The following PTPRD variants were observed in gnomAD, a reference collection of about 807,000 sequenced individuals.
PTPRD encodes the protein protein tyrosine phosphatase receptor type D, also known as receptor-type tyrosine-protein phosphatase delta.
PTPRD carries 34 observed loss-of-function variants against 214.5 expected under a neutral mutation model. The observed-to-expected ratio is 0.16, with a 90% CI of 0.12 to 0.21. The LOEUF (loss-of-function observed/expected upper bound fraction) is 0.21, where lower values mean the gene tolerates loss of function less well. Ranked by LOEUF, PTPRD falls within the 10% of genes least tolerant of loss-of-function variation. PTPRD has a pLI of 1.00. For missense variants in PTPRD, 2,545 were observed against 2,398.7 expected, an observed-to-expected ratio of 1.06 and a Z score of -1.27; for synonymous variants, 1,128 against 845.7, an observed-to-expected ratio of 1.33 and a Z score of -5.79.
At chr9:9,061,403 T>G (rs1465326804) in intron 10 of PTPRD, among the ~76,000 whole-genome samples, 1 of 152,202 alleles carries the variant, frequency 6.6e-6, no homozygotes, top group Non-Finnish European at 1.5e-5. Context: ...TGCTTAAAAC[T>G]AATGACAACA....
chr9:9,311,084 G>C lies in PTPRD; in HGVS notation c.-203+86365C>G, dbSNP rs145360504. Among the ~76,000 whole-genome samples the C allele has an allele frequency of 2.4e-3, 371 of 152,122 alleles. 1 individual carries two copies. Among genetic ancestry groups the C allele is most frequent in the Non-Finnish European group, 3.6e-3 (246 of 68,012 alleles). The stretch of plus-strand genomic sequence containing the variant: ...AATTCAAACCCTTCTCTGAGTCCAA[G>C]TTTGTACAGGGCAAAATAGGAAAAG... On this transcript the variant is annotated intron_variant, in intron 9 of 45. Coordinates refer to ENST00000381196, the MANE Select transcript of PTPRD (RefSeq NM_002839.4).
At chr9:10,258,761 CTCTT>C (rs2093475313) in intron 3 of PTPRD, among the ~76,000 whole-genome samples, 2 of 152,098 alleles carry the variant, frequency 1.3e-5, no homozygotes, top group African/African-American at 2.4e-5. Flanking sequence ...CTCTTTCTCT[CTCTT>C]TCTTTCAAAT....
intron 9 of PTPRD, among the ~76,000 whole-genome samples, chr9:9,377,365 T>C (rs2061066959): frequency 6.6e-6 from 1 of 152,154 alleles, no homozygotes; most frequent in South Asian, 2.1e-4. Flanking sequence ...CCTGTGATTA[T>C]CAACAATTTT....
chr9:10,522,767 G>C (rs2052773536), intron 2 of PTPRD, among the ~76,000 whole-genome samples: 1 of 152,026 alleles, frequency 6.6e-6, no homozygotes, highest in African/African-American at 2.4e-5. Flanking sequence ...GGTTCTTTCA[G>C]TCTGAGAACC....
At chr9:9,275,679 G>C (rs1428693251) in intron 9 of PTPRD, among the ~76,000 whole-genome samples, 1 of 151,198 alleles carries the variant, frequency 6.6e-6, no homozygotes, top group Non-Finnish European at 1.5e-5. Flanking sequence ...GTCTGGGTAG[G>C]CTGCTATTTG....
At chr9:8,684,133 G>A (rs1307789107) in intron 12 of PTPRD, among the ~76,000 whole-genome samples, 6 of 152,058 alleles carry the variant, frequency 3.9e-5, no homozygotes. Context: ...CTAACCTATA[G>A]AAATCTGTGA....
intron 9 of PTPRD, among the ~76,000 whole-genome samples, chr9:9,247,619 C>T (rs1450725101): frequency 6.6e-6 from 1 of 152,040 alleles, no homozygotes; most frequent in Non-Finnish European, 1.5e-5. Flanking sequence ...ATTTTCAACT[C>T]TACATAGCCA....
intron 2 of PTPRD, among the ~76,000 whole-genome samples, chr9:10,452,723 T>C (rs1470778699): frequency 6.6e-6 from 1 of 151,856 alleles, no homozygotes; most frequent in Non-Finnish European, 1.5e-5. Flanking sequence ...ATATTTTGGA[T>C]TTTGCCTCAT....
At chr9:10,589,440 G>C (rs2074832447) in intron 2 of PTPRD, among the ~76,000 whole-genome samples, 1 of 152,068 alleles carries the variant, frequency 6.6e-6, no homozygotes, top group African/African-American at 2.4e-5. Context: ...GAAGAAAAGA[G>C]AGTTGAAAAG....
intron 3 of PTPRD, among the ~76,000 whole-genome samples, chr9:10,090,320 T>C (rs2098413728): frequency 6.6e-6 from 1 of 151,568 alleles, no homozygotes; most frequent in African/African-American, 2.4e-5. Flanking sequence ...ACTAGCTTAT[T>C]CACCAAGTAC....
At chr9:10,050,092 T>C (rs1288108568) in intron 3 of PTPRD, among the ~76,000 whole-genome samples, 1 of 152,084 alleles carries the variant, frequency 6.6e-6, no homozygotes, top group Non-Finnish European at 1.5e-5. Context: ...TCAAAATAAA[T>C]ATCTGTCGAA....
Position 9,384,125 on chromosome 9 carries a change from T to TG in PTPRD, c.-203+13323dup, listed in dbSNP as rs565293417. Reference sequence around the variant, plus strand: ...AAAACTTTTCACATACTTTTTTTTTTGCTTATAGATACATAATTTATATTT... The same window carrying TG: ...AAAACTTTTCACATACTTTTTTTTTTGGCTTATAGATACATAATTTATATTT... On this transcript the variant is annotated intron_variant, in intron 9 of 45. Coordinates refer to ENST00000381196, the MANE Select transcript of PTPRD (RefSeq NM_002839.4). 2.6e-3 allele frequency among the ~76,000 whole-genome samples: 402 copies of TG among 151,788 alleles called. 1 individual carries two copies. Among genetic ancestry groups the TG allele is most frequent in the African/African-American group, 9.3e-3 (387 of 41,424 alleles).
chr9:10,349,511 A>C (rs1423330200), intron 2 of PTPRD, among the ~76,000 whole-genome samples: 1 of 152,206 alleles, frequency 6.6e-6, no homozygotes. Flanking sequence ...AAAAATGCAT[A>C]TACATAAACC....
intron 6 of PTPRD, among the ~76,000 whole-genome samples, chr9:9,740,591 G>T (rs1235102974): frequency 6.6e-6 from 1 of 152,040 alleles, no homozygotes; most frequent in Non-Finnish European, 1.5e-5. Flanking sequence ...TGGATCTCCT[G>T]CCCTCGTGAT....
At chr9:9,276,792 T>C (rs909266788) in intron 9 of PTPRD, among the ~76,000 whole-genome samples, 1 of 151,564 alleles carries the variant, frequency 6.6e-6, no homozygotes, top group African/African-American at 2.4e-5. Flanking sequence ...GTATTCTTTT[T>C]AAGTTCCTAA....
At chr9:8,776,887 ATATT>A (rs2095502231) in intron 11 of PTPRD, among the ~76,000 whole-genome samples, 1 of 135,232 alleles carries the variant, frequency 7.4e-6, no homozygotes. Flanking sequence ...TAGTATATGA[ATATT>A]ATATAATACA....
intron 11 of PTPRD, among the ~76,000 whole-genome samples, chr9:8,968,789 C>T (rs2099216989): frequency 6.6e-6 from 1 of 151,982 alleles, no homozygotes. Flanking sequence ...GTTTGTGTGA[C>T]ATAGATATGA....
At chr9:10,369,044 C>G (rs1228421180) in intron 2 of PTPRD, among the ~76,000 whole-genome samples, 1 of 151,840 alleles carries the variant, frequency 6.6e-6, no homozygotes, top group East Asian at 1.9e-4. Flanking sequence ...AACAAAAACA[C>G]AGTGCCAAGT....
At chr9:10,225,066 C>G (rs2099584375) in intron 3 of PTPRD, among the ~76,000 whole-genome samples, 1 of 151,950 alleles carries the variant, frequency 6.6e-6, no homozygotes. Context: ...GTCAGCACTT[C>G]TAACCTCCAC....
Sources: gnomAD v4.1 joint callset for allele counts (sites outside exome capture counted in the v4.1 genomes callset) on GRCh38, gnomAD v4.1.1 for gene constraint, MANE v1.5 for transcripts, NCBI Gene and HGNC (gene_info 2026-07-23, HGNC 2026-07-21) for gene names.